Variants in GRM8 observed in about 807,000 individuals in gnomAD.
GRM8 encodes the protein metabotropic glutamate receptor 8.
GRM8 carries 47 observed loss-of-function variants against 87.2 expected under a neutral mutation model. That is an observed-to-expected ratio of 0.54 (90% CI 0.43 to 0.69). GRM8 has a LOEUF of 0.69. Among genes scored for constraint, GRM8 ranks in the 30% least tolerant of loss-of-function variants. The probability of loss-of-function intolerance (pLI) is 0.00; values close to 1 mark genes in which losing one functional copy is unlikely to be tolerated. For missense variants in GRM8, 1,019 were observed against 1,139.2 expected (o/e 0.89, Z 1.52); for synonymous variants, 396 against 404.5 (o/e 0.98, Z 0.25).
At position 126,658,167 on chromosome 7, in the gene GRM8, T is replaced by C. The variant is rs983097001; in HGVS notation, c.1358-48669A>G. 2.0e-5 allele frequency among the ~76,000 whole-genome samples: 3 copies of C among 152,156 alleles called. No individual in the cohort carries two copies. The East Asian group carries it at 5.8e-4, about 29-fold the overall frequency. On this transcript the variant is annotated intron_variant, in intron 7 of 10. Transcript: ENST00000339582. The stretch of plus-strand genomic sequence containing the variant: ...CAGGTGAGATTCAGCTGAGTGAAGT[T>C]GATGGCATAACATATGCTGAGGCCA...
chr7:127,066,495 TGA>T (rs1207638108), intron 3 of GRM8, among the ~76,000 whole-genome samples: 5 of 152,208 alleles, frequency 3.3e-5, no homozygotes, highest in Non-Finnish European at 7.3e-5. Flanking sequence ...ATCAAACCTG[TGA>T]GAAAGGTATT....
intron 6 of GRM8, among the ~76,000 whole-genome samples, chr7:126,890,806 A>G (rs1393685110): frequency 1.3e-5 from 2 of 151,970 alleles, no homozygotes; most frequent in Non-Finnish European, 2.9e-5. Flanking sequence ...TTCTACAGAA[A>G]CTGGAATGGC....
chr7:126,991,927 A>C (rs1259102113), intron 3 of GRM8, among the ~76,000 whole-genome samples: 1 of 152,242 alleles, frequency 6.6e-6, no homozygotes, highest in African/African-American at 2.4e-5. Flanking sequence ...ACTTTAATAA[A>C]AGTCAATAGC....
intron 2 of GRM8, among the ~76,000 whole-genome samples, chr7:127,150,507 T>C (rs1587140358): frequency 1.3e-5 from 2 of 152,248 alleles, no homozygotes; most frequent in Middle Eastern, 6.8e-3. Flanking sequence ...CTACTGGCTC[T>C]CTTTTGCACT....
At chr7:126,468,793 G>T (rs1188596630) in intron 9 of GRM8, among the ~76,000 whole-genome samples, 3 of 152,048 alleles carry the variant, frequency 2.0e-5, no homozygotes, top group African/African-American at 7.2e-5. Flanking sequence ...ATTTTAAATG[G>T]TTAACGATAA....
chr7:127,063,148 G>A (rs780567052), intron 3 of GRM8, among the ~76,000 whole-genome samples: 2 of 152,080 alleles, frequency 1.3e-5, no homozygotes, highest in African/African-American at 2.4e-5. Flanking sequence ...GGCTACTCAG[G>A]AGGCTGAGGC....
intron 3 of GRM8, chr7:127,084,271 A>G (rs1047520108): frequency 6.6e-6 from 1 of 152,258 alleles, no homozygotes; most frequent in Non-Finnish European, 1.5e-5. Flanking sequence ...AATATTAAAA[A>G]TAGAGCGAGG....
At chr7:126,899,387 C>T (rs80115936) in intron 6 of GRM8, among the ~76,000 whole-genome samples, 1 of 152,150 alleles carries the variant, frequency 6.6e-6, no homozygotes, top group Non-Finnish European at 1.5e-5. Flanking sequence ...GCTGTTCACG[C>T]ACCTACACGT....
At chr7:126,914,676 C>T (rs1427942567) in intron 3 of GRM8, among the ~76,000 whole-genome samples, 1 of 152,118 alleles carries the variant, frequency 6.6e-6, no homozygotes, top group South Asian at 2.1e-4. Context: ...AAACAGAAAA[C>T]AAAATATTTC....
chr7:126,786,148 C>T (rs1329332457), intron 6 of GRM8, among the ~76,000 whole-genome samples: 2 of 152,186 alleles, frequency 1.3e-5, no homozygotes, highest in Middle Eastern at 3.2e-3. Context: ...TGACCTCCTA[C>T]TTCAAAGTGT....
intron 7 of GRM8, among the ~76,000 whole-genome samples, chr7:126,662,945 C>G (rs1372541366): frequency 1.3e-5 from 2 of 152,156 alleles, no homozygotes; most frequent in African/African-American, 4.8e-5. Flanking sequence ...GCTGGACAGA[C>G]AGGGATATTG....
At chr7:126,854,106 C>G (rs940185214) in intron 6 of GRM8, among the ~76,000 whole-genome samples, 3 of 152,170 alleles carry the variant, frequency 2.0e-5, no homozygotes, top group Non-Finnish European at 2.9e-5. Context: ...GTAATTCTTT[C>G]TGGTTCAGTG....
At chr7:126,995,431 T>A (rs1813084745) in intron 3 of GRM8, among the ~76,000 whole-genome samples, 1 of 152,188 alleles carries the variant, frequency 6.6e-6, no homozygotes, top group South Asian at 2.1e-4. Context: ...TCAAAATAGC[T>A]CTTTCGAGGA....
intron 6 of GRM8, among the ~76,000 whole-genome samples, chr7:126,782,987 C>A (rs1320980044): frequency 6.6e-6 from 1 of 152,150 alleles, no homozygotes. Flanking sequence ...GATGACCTCC[C>A]TTGCTGCCTT....
chr7:127,116,982 A>C (rs968248424), intron 2 of GRM8, among the ~76,000 whole-genome samples: 4 of 152,206 alleles, frequency 2.6e-5, no homozygotes, highest in Non-Finnish European at 5.9e-5. Flanking sequence ...TGAGGCTTGT[A>C]AGGGTAAGGC....
chr7:126,688,151 A>G (rs1490947424), intron 7 of GRM8, among the ~76,000 whole-genome samples: 6 of 152,222 alleles, frequency 3.9e-5, no homozygotes, highest in Non-Finnish European at 8.8e-5. Context: ...ACATGTAAAT[A>G]AAACCTTTGT....
intron 3 of GRM8, among the ~76,000 whole-genome samples, chr7:127,035,718 A>C (rs1563437207): frequency 6.6e-6 from 1 of 152,148 alleles, no homozygotes; most frequent in Non-Finnish European, 1.5e-5. Flanking sequence ...GGAATCTGTG[A>C]TGTTTCTTAA....
At chr7:126,905,943 G>T (rs980599977) in intron 3 of GRM8, among the ~76,000 whole-genome samples, 1 of 152,178 alleles carries the variant, frequency 6.6e-6, no homozygotes, top group South Asian at 2.1e-4. Context: ...GAGACTGGCT[G>T]GGTTTGAAGT....
At chr7:127,040,105 A>G (rs1180764440) in intron 3 of GRM8, among the ~76,000 whole-genome samples, 1 of 5,062 alleles carries the variant, frequency 2.0e-4, no homozygotes, top group African/African-American at 9.5e-4. Context: ...GGAGGGAAGA[A>G]GGGGAGATGG....
Sources: gnomAD v4.1 joint callset for allele counts (sites outside exome capture counted in the v4.1 genomes callset) on GRCh38, gnomAD v4.1.1 for gene constraint, MANE v1.5 for transcripts, NCBI Gene and HGNC (gene_info 2026-07-23, HGNC 2026-07-21) for gene names.